Variants in UNC5C observed in about 807,000 individuals in gnomAD.
UNC5C encodes the protein unc-5 netrin receptor C, also known as netrin receptor UNC5C.
UNC5C carries 47 observed loss-of-function variants against 99.8 expected under a neutral mutation model. The ratio of observed to expected loss-of-function variants is 0.47; its 90% CI spans 0.37 to 0.60. The LOEUF (loss-of-function observed/expected upper bound fraction) is 0.60, where lower values mean the gene tolerates loss of function less well. Ranked by LOEUF, UNC5C falls within the 20% of genes least tolerant of loss-of-function variation. The probability of loss-of-function intolerance (pLI) is 0.00; values close to 1 mark genes in which losing one functional copy is unlikely to be tolerated. For synonymous variants in UNC5C, 487 were observed against 452.2 expected (o/e 1.08, Z -0.98); for missense variants, 1,062 against 1,165.9 (o/e 0.91, Z 1.30).
chr4:95,221,950 A>G (rs1319582851), intron 7 of UNC5C, among the ~76,000 whole-genome samples: 1 of 152,158 alleles, frequency 6.6e-6, no homozygotes, highest in African/African-American at 2.4e-5. Context: ...TACTTATATC[A>G]GCACATTTCA....
intron 1 of UNC5C, among the ~76,000 whole-genome samples, chr4:95,345,417 C>A (rs1029465814): frequency 6.6e-6 from 1 of 151,862 alleles, no homozygotes; most frequent in African/African-American, 2.4e-5. Context: ...CTGGAAACTG[C>A]AACACCCTAC....
chr4:95,281,280 A>G (rs1407697195), intron 3 of UNC5C, among the ~76,000 whole-genome samples: 1 of 152,236 alleles, frequency 6.6e-6, no homozygotes, highest in Non-Finnish European at 1.5e-5. Context: ...TTTAACATTT[A>G]TTCATTGTCT....
intron 1 of UNC5C, among the ~76,000 whole-genome samples, chr4:95,429,046 T>C (rs1746559854): frequency 6.6e-6 from 1 of 152,018 alleles, no homozygotes; most frequent in Non-Finnish European, 1.5e-5. Flanking sequence ...CTCTGTTTGT[T>C]TAAGGAGGGC....
At chr4:95,317,897 T>C (rs1361786233) in intron 2 of UNC5C, among the ~76,000 whole-genome samples, 2 of 152,164 alleles carry the variant, frequency 1.3e-5, no homozygotes, top group East Asian at 3.9e-4. Flanking sequence ...TAAGTGATTT[T>C]TTTTCTTGAC....
At chr4:95,390,194 C>T (rs1404955502) in intron 1 of UNC5C, among the ~76,000 whole-genome samples, 1 of 152,132 alleles carries the variant, frequency 6.6e-6, no homozygotes, top group Non-Finnish European at 1.5e-5. Flanking sequence ...GTGTCTAACT[C>T]ATTCCATGAC....
At chr4:95,399,636 T>C (rs981591669) in intron 1 of UNC5C, among the ~76,000 whole-genome samples, 5 of 152,238 alleles carry the variant, frequency 3.3e-5, no homozygotes, top group Admixed American at 2.6e-4. Flanking sequence ...GCCTTTGCTC[T>C]TGTGTTCACT....
intron 2 of UNC5C, among the ~76,000 whole-genome samples, chr4:95,319,407 C>T (rs1232260378): frequency 3.3e-5 from 5 of 152,108 alleles, no homozygotes; most frequent in Admixed American, 2.6e-4. Flanking sequence ...TCAGGTTAAG[C>T]CTTTGATGAA....
At chr4:95,358,420 T>C (rs1339110382) in intron 1 of UNC5C, among the ~76,000 whole-genome samples, 1 of 152,194 alleles carries the variant, frequency 6.6e-6, no homozygotes, top group African/African-American at 2.4e-5. Flanking sequence ...CAAAATTTAT[T>C]ATTTTGAAGG....
chr4:95,340,999 T>C (rs1394974298), intron 1 of UNC5C, among the ~76,000 whole-genome samples: 1 of 152,150 alleles, frequency 6.6e-6, no homozygotes, highest in Admixed American at 6.6e-5. Flanking sequence ...TAAAAAATAC[T>C]CAATGACTGA....
At chr4:95,534,897 G>A (rs370754247) in intron 1 of UNC5C, among the ~76,000 whole-genome samples, 8 of 151,990 alleles carry the variant, frequency 5.3e-5, no homozygotes, top group South Asian at 2.1e-4. Context: ...TAAAGACTTC[G>A]TTGTGTTAAA....
chr4:95,512,401 A>T (rs1722100425), intron 1 of UNC5C, among the ~76,000 whole-genome samples: 1 of 152,150 alleles, frequency 6.6e-6, no homozygotes, highest in Non-Finnish European at 1.5e-5. Flanking sequence ...CCAAACAATA[A>T]GAATTCCTCA....
At chr4:95,529,664 C>T (rs959839009) in intron 1 of UNC5C, among the ~76,000 whole-genome samples, 2 of 151,880 alleles carry the variant, frequency 1.3e-5, no homozygotes, top group African/African-American at 4.8e-5. Context: ...GAGGTCGAAG[C>T]TGCAGTGAGC....
intron 1 of UNC5C, among the ~76,000 whole-genome samples, chr4:95,353,944 A>T (rs1744077927): frequency 6.6e-6 from 1 of 152,156 alleles, no homozygotes. Flanking sequence ...ACACATGAAA[A>T]GTACAGAAGT....
chr4:95,326,445 T>A (rs17023540), intron 2 of UNC5C, among the ~76,000 whole-genome samples: 20,076 of 151,270 alleles, frequency 0.13, 1,558 homozygotes, highest in African/African-American at 0.19. Flanking sequence ...CAGCTGAGCC[T>A]GAGTTCTTCT....
chr4:95,414,515 G>C (rs1560824328), intron 1 of UNC5C, among the ~76,000 whole-genome samples: 1 of 152,218 alleles, frequency 6.6e-6, no homozygotes, highest in Non-Finnish European at 1.5e-5. Flanking sequence ...GGCAAAAGCA[G>C]AGTATAAAGA....
intron 1 of UNC5C, among the ~76,000 whole-genome samples, chr4:95,463,294 C>A (rs1036078315): frequency 6.6e-6 from 1 of 152,164 alleles, no homozygotes; most frequent in Non-Finnish European, 1.5e-5. Flanking sequence ...AACAAGAAGG[C>A]TCTGCCGCTA....
At chr4:95,342,917 A>T (rs1410680994) in intron 1 of UNC5C, among the ~76,000 whole-genome samples, 3 of 151,998 alleles carry the variant, frequency 2.0e-5, no homozygotes, top group African/African-American at 4.8e-5. Context: ...TGGCCATGGA[A>T]AAAGACTCCT....
chr4:95,430,747 G>A (rs1030045096), intron 1 of UNC5C, among the ~76,000 whole-genome samples: 6 of 152,066 alleles, frequency 3.9e-5, no homozygotes, highest in African/African-American at 1.4e-4. Context: ...AAGGTGCAGT[G>A]GAAATGAAAA....
chr4:95,194,044 C>T (rs531453524), intron 12 of UNC5C, among the ~76,000 whole-genome samples: 1 of 152,154 alleles, frequency 6.6e-6, no homozygotes, highest in Non-Finnish European at 1.5e-5. Flanking sequence ...CAAGTTGCTT[C>T]GTTTCTAGGG....
Sources: allele counts gnomAD v4.1 joint callset (sites outside exome capture counted in the v4.1 genomes callset), GRCh38; gene constraint gnomAD v4.1.1; transcripts MANE v1.5; gene names NCBI Gene and HGNC (gene_info 2026-07-23, HGNC 2026-07-21).